Variants in ALK observed in about 807,000 individuals in gnomAD.
ALK encodes ALK tyrosine kinase receptor.
In ALK, 74 loss-of-function variants were observed where a neutral mutation model predicts 163.1. That is an observed-to-expected ratio of 0.45 (90% CI 0.38 to 0.55). ALK has a LOEUF of 0.55. ALK is among the 20% of genes least tolerant of loss of function. The probability of loss-of-function intolerance (pLI) is 0.00; values close to 1 mark genes in which losing one functional copy is unlikely to be tolerated. For synonymous variants in ALK, 960 were observed against 843.2 expected (o/e 1.14, Z -2.40); for missense variants, 2,063 against 2,105.3 (o/e 0.98, Z 0.39).
chr2:29,909,482 G>GAGAGAGAC (rs940540017), intron 1 of ALK, among the ~76,000 whole-genome samples: 1 of 99,166 alleles, frequency 1.0e-5, no homozygotes, highest in African/African-American at 6.5e-5. Flanking sequence ...CAGACAGACA[G>GAGAGAGAC]AGAGAGAGAG....
chr2:29,345,414 TTAAATAAATAAATAAA>T (rs373752148), intron 5 of ALK, among the ~76,000 whole-genome samples: 14 of 147,474 alleles, frequency 9.5e-5, no homozygotes, highest in South Asian at 2.2e-4. Flanking sequence ...CTGTCTTAAT[TTAAATAAATAAATAAA>T]TAAATAAATA....
At chr2:29,786,302 A>T (rs1187717544) in intron 1 of ALK, among the ~76,000 whole-genome samples, 1 of 152,192 alleles carries the variant, frequency 6.6e-6, no homozygotes, top group Non-Finnish European at 1.5e-5. Context: ...ACCAGCACTC[A>T]TCAGCCAACA....
chr2:29,585,945 A>AT, intron 3 of ALK, among the ~76,000 whole-genome samples: 1 of 152,238 alleles, frequency 6.6e-6, no homozygotes, highest in African/African-American at 2.4e-5. Flanking sequence ...AATACATAAC[A>AT]TTTTTAATAC....
intron 1 of ALK, among the ~76,000 whole-genome samples, chr2:29,771,743 C>T (rs1681033344): frequency 6.6e-6 from 1 of 151,998 alleles, no homozygotes; most frequent in Non-Finnish European, 1.5e-5. Flanking sequence ...ACCGTGTTAG[C>T]CAGGATGGTC....
intron 4 of ALK, among the ~76,000 whole-genome samples, chr2:29,517,734 T>C (rs946762764): frequency 3.9e-5 from 6 of 152,246 alleles, no homozygotes; most frequent in Non-Finnish European, 8.8e-5. Context: ...TTTCACCAGT[T>C]CCAGAACATC....
At chr2:29,299,407 C>G (rs1012664385) in intron 8 of ALK, among the ~76,000 whole-genome samples, 2 of 152,172 alleles carry the variant, frequency 1.3e-5, no homozygotes, top group Non-Finnish European at 2.9e-5. Context: ...AGCACTTATG[C>G]TGGGTCACAT....
In ALK at chr2:29,298,916, T is replaced by A. The variant is rs915850155; in HGVS notation, c.1648-1859A>T. Among the ~76,000 whole-genome samples the A allele has an allele frequency of 3.9e-5, 6 of 152,200 alleles. 1 individual carries two copies. The highest frequency in any genetic ancestry group is 1.3e-4 in the Admixed American group (2 of 15,282). ...CCTTTCCCCAGCATCTCAGAGTCAA[T>A]CTTTTGGCTCCTTTGTCTACAAATA... On this transcript the variant is annotated intron_variant, in intron 8 of 28. Coordinates refer to ENST00000389048, the MANE Select transcript of ALK (RefSeq NM_004304.5).
intron 5 of ALK, among the ~76,000 whole-genome samples, chr2:29,369,394 G>T (rs1264999756): frequency 6.6e-6 from 1 of 152,144 alleles, no homozygotes; most frequent in African/African-American, 2.4e-5. Context: ...AATAGCAGAA[G>T]GGGAAAGGGA....
intron 3 of ALK, among the ~76,000 whole-genome samples, chr2:29,659,974 T>G (rs1332734019): frequency 1.3e-5 from 2 of 152,146 alleles, no homozygotes; most frequent in African/African-American, 4.8e-5. Context: ...ATATCCAGTT[T>G]TTAATTATTA....
At chr2:29,216,583 C>A (rs553247790) in intron 23 of ALK, among the ~76,000 whole-genome samples, 8 of 151,952 alleles carry the variant, frequency 5.3e-5, no homozygotes, top group African/African-American at 9.7e-5. Flanking sequence ...AGTCAGCAAG[C>A]GTGGGTTATG....
At chr2:29,786,664 T>A (rs1303080554) in intron 1 of ALK, among the ~76,000 whole-genome samples, 1 of 152,196 alleles carries the variant, frequency 6.6e-6, no homozygotes, top group Non-Finnish European at 1.5e-5. Flanking sequence ...GTCTCAGTTG[T>A]GGGAGCCCAA....
At chr2:29,512,446 AAG>A in intron 4 of ALK, among the ~76,000 whole-genome samples, 1 of 148,512 alleles carries the variant, frequency 6.7e-6, no homozygotes, top group African/African-American at 2.5e-5. Flanking sequence ...AAAATTCAAC[AAG>A]ACTTCATGCT....
chr2:29,758,003 CTCTT>C (rs1347280800), intron 1 of ALK, among the ~76,000 whole-genome samples: 7 of 145,274 alleles, frequency 4.8e-5, no homozygotes, highest in Non-Finnish European at 1.0e-4. Flanking sequence ...TACCCGCATC[CTCTT>C]TTTTTTTTTT....
intron 4 of ALK, among the ~76,000 whole-genome samples, chr2:29,448,788 G>A (rs1346064844): frequency 6.6e-6 from 1 of 152,168 alleles, no homozygotes; most frequent in Non-Finnish European, 1.5e-5. Context: ...AAGGTTGGAA[G>A]AAACCTTAAA....
At chr2:29,442,528 T>C (rs868457732) in intron 4 of ALK, among the ~76,000 whole-genome samples, 3 of 152,192 alleles carry the variant, frequency 2.0e-5, no homozygotes, top group Middle Eastern at 3.4e-3. Context: ...GACCTGGCGA[T>C]CTTCAATATT....
chr2:29,835,337 T>C (rs1009373213), intron 1 of ALK, among the ~76,000 whole-genome samples: 2 of 152,096 alleles, frequency 1.3e-5, no homozygotes, highest in Non-Finnish European at 2.9e-5. Context: ...CATCTGAGAG[T>C]ACTGAAACCA....
At chr2:29,857,919 G>A (rs186644602) in intron 1 of ALK, among the ~76,000 whole-genome samples, 10 of 152,292 alleles carry the variant, frequency 6.6e-5, no homozygotes, top group East Asian at 5.8e-4. Flanking sequence ...TGTGGTGTCC[G>A]TTTTACTCAG....
chr2:29,775,461 G>A (rs1269596377), intron 1 of ALK, among the ~76,000 whole-genome samples: 1 of 151,228 alleles, frequency 6.6e-6, no homozygotes, highest in Non-Finnish European at 1.5e-5. Flanking sequence ...AGCCTTAGAT[G>A]TTATACCCCA....
intron 4 of ALK, among the ~76,000 whole-genome samples, chr2:29,444,182 G>A (rs189076071): frequency 3.3e-5 from 5 of 152,238 alleles, no homozygotes; most frequent in African/African-American, 7.2e-5. Flanking sequence ...AGAGTGAATC[G>A]GGAGCTCCAT....
Sources: allele counts gnomAD v4.1 joint callset (sites outside exome capture counted in the v4.1 genomes callset), GRCh38; gene constraint gnomAD v4.1.1; transcripts MANE v1.5; gene names NCBI Gene and HGNC (gene_info 2026-07-23, HGNC 2026-07-21).